The following TRAF2 variants were observed in gnomAD, a reference collection of about 807,000 sequenced individuals.
TRAF2 encodes TNF receptor associated factor 2, also known as TNF receptor-associated factor 2.
Under a neutral mutation model 55.6 loss-of-function variants are expected in TRAF2, and 6 were observed. That is an observed-to-expected ratio of 0.11 (90% CI 0.06 to 0.21). TRAF2 has a LOEUF of 0.21. Among genes scored for constraint, TRAF2 ranks in the 10% least tolerant of loss-of-function variants. The probability of loss-of-function intolerance (pLI) is 1.00; values close to 1 mark genes in which losing one functional copy is unlikely to be tolerated. For missense variants in TRAF2, 561 were observed against 684.5 expected, an observed-to-expected ratio of 0.82 and a Z score of 2.01; for synonymous variants, 329 against 276.3, an observed-to-expected ratio of 1.19 and a Z score of -1.89.
At chr9:136,924,377 TAGTG>T (rs1370195894) in intron 10 of TRAF2, among the ~76,000 whole-genome samples, 8 of 149,504 alleles carry the variant, frequency 5.4e-5, no homozygotes, top group South Asian at 2.1e-4. Flanking sequence ...CTGGGCAACA[TAGTG>T]AGAACCCATG....
chr9:136,908,898 C>T (rs1007673210), intron 5 of TRAF2, among the ~76,000 whole-genome samples: 5 of 136,380 alleles, frequency 3.7e-5, no homozygotes, highest in Admixed American at 7.4e-5. Flanking sequence ...AAAAGCCAGG[C>T]ACGGTGGCGA....
In TRAF2 at chr9:136,916,591, C is replaced by G. The variant is rs755463861; in HGVS notation, c.654C>G (p.Phe218Leu). ...GCAAGTGTCGAGTCCCTTGCAGATT[C>G]CACGCCATCGGCTGCCTCGAGACGG... is the stretch of plus-strand genomic sequence containing the variant. ...TCGKCRVPCR[F>L]HAIGCLETVE... Residue 218 changes from phenylalanine to leucine, a missense_variant, in exon 7 of 11, where the codon TTC becomes TTG. Phe to Leu is a conservative substitution (Grantham distance 22, BLOSUM62 0). This residue lies in a region of TRAF2 where 426 missense variants were observed against 476.8 expected (regional missense o/e 0.89). Transcript: ENST00000247668. 12 of 1,613,972 alleles carry G rather than the reference C, an allele frequency of 7.4e-6. No individual in the cohort carries two copies. The highest frequency in any genetic ancestry group is 9.3e-6 in the Non-Finnish European group (11 of 1,180,014).
At chr9:136,897,490 C>A (rs1345639144) in intron 1 of TRAF2, among the ~76,000 whole-genome samples, 1 of 150,852 alleles carries the variant, frequency 6.6e-6, no homozygotes. Flanking sequence ...ACTAGCCAGC[C>A]CCAGGTGCGC....
intron 1 of TRAF2, among the ~76,000 whole-genome samples, chr9:136,895,710 G>A (rs1424936993): frequency 6.6e-6 from 1 of 152,144 alleles, no homozygotes. Flanking sequence ...TTAGCCACCT[G>A]TGGTGGCGGG....
intron 1 of TRAF2, 119 bp downstream of exon 1, chr9:136,886,660 G>A (rs1849456898): frequency 1.3e-6 from 1 of 748,630 alleles, no homozygotes. Flanking sequence ...GGCCGGAGCG[G>A]GAGCGGGGGC....
Position 136,922,877 on chromosome 9 carries a change from C to CGCGGTG in TRAF2, c.1139-974_1139-973insCGGTGG, listed in dbSNP as rs1564422513. Among the ~76,000 whole-genome samples the CGCGGTG allele has an allele frequency of 8.9e-4, 102 of 114,808 alleles. 1 individual carries two copies. Among genetic ancestry groups the CGCGGTG allele is most frequent in the Non-Finnish European group, 1.5e-3 (83 of 56,768 alleles). 75.3% of individuals were successfully genotyped at this position (114,808 alleles called of 152,430 possible). Reference sequence around the variant, plus strand: ...GATGGGGAGGATGGGCCTGGGGGCACGAGGTGGAGAGGACTAGGACAGGGA... The same window carrying CGCGGTG: ...GATGGGGAGGATGGGCCTGGGGGCACGCGGTGGAGGTGGAGAGGACTAGGACAGGGA... On this transcript the variant is annotated intron_variant, in intron 9 of 10. Coordinates refer to ENST00000247668, the MANE Select transcript of TRAF2 (RefSeq NM_021138.4).
intron 3 of TRAF2, 22 bp from the exon 4 acceptor site, chr9:136,900,400 C>T (rs760333310): frequency 3.4e-5 from 53 of 1,552,538 alleles, no homozygotes; most frequent in East Asian, 4.5e-5. Flanking sequence ...AGGTTTAACC[C>T]GAGGGATATT....
intron 1 of TRAF2, 133 bp downstream of exon 1, chr9:136,886,674 A>G: frequency 6.5e-6 from 1 of 154,064 alleles, no homozygotes; most frequent in Non-Finnish European, 9.4e-6. Context: ...CGGGGGCGGG[A>G]GAGGCCGCGG....
At chr9:136,916,684 A>T (rs1850250485) in intron 7 of TRAF2, 69 bp downstream of exon 7, 1 of 1,481,346 alleles carries the variant, frequency 6.8e-7, no homozygotes, top group South Asian at 1.1e-5. Context: ...CCTCCAGCCC[A>T]GTGCTTCCTG....
intron 5 of TRAF2, 87 bp from the exon 6 acceptor site, chr9:136,909,833 G>A (rs999346616): frequency 7.9e-6 from 11 of 1,399,498 alleles, no homozygotes; most frequent in Admixed American, 1.8e-5. Flanking sequence ...GCCCCTCGGC[G>A]CTGCCCAGCC....
At chr9:136,920,908 T>C in intron 8 of TRAF2, 130 bp from the exon 9 acceptor site, 2 of 1,131,972 alleles carry the variant, frequency 1.8e-6, no homozygotes, top group Non-Finnish European at 2.5e-6. Context: ...GTGCAGGGAG[T>C]GGACATGAGA....
intron 4 of TRAF2, among the ~76,000 whole-genome samples, chr9:136,903,907 C>T (rs1411501671): frequency 3.3e-5 from 5 of 152,344 alleles, no homozygotes; most frequent in Admixed American, 2.6e-4. Context: ...TGGTCTCGAT[C>T]TCCTGACCTC....
chr9:136,914,122 T>C (rs1193083496), intron 6 of TRAF2, among the ~76,000 whole-genome samples: 1 of 152,200 alleles, frequency 6.6e-6, no homozygotes, highest in Non-Finnish European at 1.5e-5. Flanking sequence ...CCTGGGGGCC[T>C]GGGGGTTGCC....
chr9:136,904,343 A>G (rs1849895425), intron 4 of TRAF2, among the ~76,000 whole-genome samples: 1 of 152,206 alleles, frequency 6.6e-6, no homozygotes, highest in African/African-American at 2.4e-5. Flanking sequence ...TGCTGGGATT[A>G]CAGGTGGGAA....
At chr9:136,887,077 C>G (rs1849469798) in intron 1 of TRAF2, among the ~76,000 whole-genome samples, 1 of 152,182 alleles carries the variant, frequency 6.6e-6, no homozygotes, top group Non-Finnish European at 1.5e-5. Flanking sequence ...GCGGAGCCGA[C>G]TCTGCTGCCT....
At chr9:136,897,456 A>G (rs1443088464) in intron 1 of TRAF2, among the ~76,000 whole-genome samples, 2 of 151,812 alleles carry the variant, frequency 1.3e-5, no homozygotes, top group African/African-American at 4.8e-5. Context: ...AGTGAGGGAA[A>G]CCCGTGGTAG....
intron 7 of TRAF2, among the ~76,000 whole-genome samples, chr9:136,919,591 A>T (rs975940382): frequency 2.0e-5 from 3 of 152,010 alleles, no homozygotes; most frequent in African/African-American, 7.2e-5. Context: ...CACCATGCCC[A>T]GTCATGAGTA....
At chr9:136,919,367 C>T (rs894916045) in intron 7 of TRAF2, among the ~76,000 whole-genome samples, 4 of 143,852 alleles carry the variant, frequency 2.8e-5, no homozygotes, top group African/African-American at 7.8e-5. Context: ...GGCGCGATCT[C>T]GGCTCACCAC....
At chr9:136,901,111 G>A (rs536272564) in intron 4 of TRAF2, among the ~76,000 whole-genome samples, 20 of 152,332 alleles carry the variant, frequency 1.3e-4, no homozygotes, top group Admixed American at 1.1e-3. Flanking sequence ...TGTGCTGGGC[G>A]AGCCGTGCAC....
Sources: allele counts gnomAD v4.1 joint callset (sites outside exome capture counted in the v4.1 genomes callset), GRCh38; gene constraint gnomAD v4.1.1; regional missense constraint gnomAD v4.1.1; transcripts MANE v1.5; gene names NCBI Gene and HGNC (gene_info 2026-07-23, HGNC 2026-07-21).